Variants in FCRL2 observed in about 807,000 individuals in gnomAD.
FCRL2 encodes Fc receptor-like protein 2.
Under a neutral mutation model 59.8 loss-of-function variants are expected in FCRL2, and 48 were observed. The ratio of observed to expected loss-of-function variants is 0.80; its 90% CI spans 0.64 to 1.02. FCRL2 has a LOEUF of 1.02. Ranked by LOEUF, FCRL2 falls within the 50% of genes least tolerant of loss-of-function variation. The probability of loss-of-function intolerance (pLI) is 0.00; values close to 1 mark genes in which losing one functional copy is unlikely to be tolerated. For missense variants in FCRL2, 658 were observed against 597.3 expected (o/e 1.10, Z -1.06); for synonymous variants, 251 against 229.5 (o/e 1.09, Z -0.85).
chr1:157,746,961 C>A (rs370536127), intron 10 of FCRL2, 62 bp from the exon 11 acceptor site: 34 of 1,544,312 alleles, frequency 2.2e-5, no homozygotes, highest in Admixed American at 8.4e-5. Context: ...CACTCCCAGA[C>A]TTTATGCCCC....
intron 7 of FCRL2, among the ~76,000 whole-genome samples, chr1:157,762,715 A>G (rs565077275): frequency 6.8e-6 from 1 of 147,718 alleles, no homozygotes; most frequent in African/African-American, 2.4e-5. Flanking sequence ...CTAGTCACCT[A>G]TAAAGAAAAA....
chr1:157,775,474 G>C (rs1381940218), intron 2 of FCRL2, among the ~76,000 whole-genome samples: 1 of 152,186 alleles, frequency 6.6e-6, no homozygotes, highest in East Asian at 1.9e-4. Flanking sequence ...CCTATGGGCA[G>C]GAAAACAATT....
intron 10 of FCRL2, among the ~76,000 whole-genome samples, chr1:157,747,159 A>AT (rs1557850426): frequency 6.6e-6 from 1 of 152,000 alleles, no homozygotes; most frequent in African/African-American, 2.4e-5. Flanking sequence ...TGTCTTTATA[A>AT]TTTTTTCCTC....
At position 157,748,886 on chromosome 1, in the gene FCRL2, A is replaced by G; in HGVS notation, c.1382T>C (p.Val461Ala). The G allele has an allele frequency of 5.6e-6, 9 of 1,613,536 alleles. No homozygotes were observed. The highest frequency in any genetic ancestry group is 6.8e-6 in the Non-Finnish European group (8 of 1,179,792). Residue 461 changes from valine (V) to alanine (A), a missense_variant, in exon 9 of 12, where the codon GTG becomes GCG. Val to Ala is a moderately conservative substitution (Grantham distance 64). Coordinates refer to ENST00000361516, the MANE Select transcript of FCRL2 (RefSeq NM_030764.4). ...GTGGAGACACTCACCATTGACATAC[A>G]CTGGCTGCAGCTCCTCCATGTCTGG... The part of the protein sequence containing the change: ...PTPDMEELQP[V>A]YVNVGSVDVD...
At position 157,746,830 on chromosome 1, in the gene FCRL2, A is replaced by G. The variant is rs74119648; in HGVS notation, c.1488+41T>C. 5.9e-3 allele frequency: 9,602 copies of G among 1,613,850 alleles called. 469 individuals are homozygous for G. In the African/African-American group the frequency reaches 0.11, roughly 19 times the overall value. ...GGTGATCAAGAAAATAAATAGGGAGAAGGAAGGAAAGATGAAGAAATTCCA... is the reference window on the plus strand; with the variant it reads ...GGTGATCAAGAAAATAAATAGGGAGGAGGAAGGAAAGATGAAGAAATTCCA... On this transcript the variant is annotated intron_variant, in intron 11 of 11. Coordinates refer to ENST00000361516, the MANE Select transcript of FCRL2 (RefSeq NM_030764.4).
intron 2 of FCRL2, 137 bp downstream of exon 2, chr1:157,775,638 T>A (rs1650349555): frequency 3.4e-6 from 3 of 876,648 alleles, no homozygotes; most frequent in Non-Finnish European, 5.2e-6. Context: ...CTGCGTGACC[T>A]CAGAACATGT....
At chr1:157,769,609 A>G (rs1236548084) in intron 4 of FCRL2, 1 of 304,368 alleles carries the variant, frequency 3.3e-6, no homozygotes, top group Non-Finnish European at 6.3e-6. Context: ...TTGTATTTTT[A>G]GTAGAGACGG....
At chr1:157,759,679 A>G (rs1048126807) in intron 7 of FCRL2, among the ~76,000 whole-genome samples, 1 of 152,242 alleles carries the variant, frequency 6.6e-6, no homozygotes, top group African/African-American at 2.4e-5. Flanking sequence ...TATGCAGCCA[A>G]AAATCATATG....
At chr1:157,749,620 A>G (rs1557852473) in intron 8 of FCRL2, 30 bp downstream of exon 8, 3 of 1,575,838 alleles carry the variant, frequency 1.9e-6, no homozygotes, top group Middle Eastern at 1.7e-4. Flanking sequence ...GACCTCTAGA[A>G]TTAAAATTTT....
At chr1:157,774,174 A>C (rs1650237438) in intron 2 of FCRL2, among the ~76,000 whole-genome samples, 1 of 152,222 alleles carries the variant, frequency 6.6e-6, no homozygotes, top group Admixed American at 6.5e-5. Context: ...GGTGGGGCTG[A>C]AAAGAGGAAA....
chr1:157,771,752 C>T (rs1650040785), intron 2 of FCRL2, among the ~76,000 whole-genome samples: 1 of 152,118 alleles, frequency 6.6e-6, no homozygotes, highest in Non-Finnish European at 1.5e-5. Flanking sequence ...GTAGAGGATT[C>T]TGACCACAAA....
At position 157,770,647 on chromosome 1, in the gene FCRL2, C is replaced by A. The variant is rs777925139; in HGVS notation, c.72G>T (p.Ala24=). 3 of 1,614,084 alleles carry A rather than the reference C, an allele frequency of 1.9e-6. No homozygotes were observed. The highest frequency in any genetic ancestry group is 2.5e-6 in the Non-Finnish European group (3 of 1,180,002). ...TGTCTCCTTCGAAGACAGAAGAGGG[C>A]GCCACAAGGGTCAGCGAATCTGGAA... ...TEQADSLTLV[A]PSSVFEGDSI... is the part of the protein sequence containing the mutation. The change falls in exon 3 of 12, where the codon GCG becomes GCT. Residue 24 remains alanine (A), a synonymous_variant. Coordinates refer to ENST00000361516, the MANE Select transcript of FCRL2 (RefSeq NM_030764.4).
chr1:157,764,261 A>T (rs1055631698), intron 7 of FCRL2, among the ~76,000 whole-genome samples: 3 of 152,246 alleles, frequency 2.0e-5, no homozygotes, highest in East Asian at 3.9e-4. Flanking sequence ...TAAAGGGATC[A>T]ATCCAGCAAG....
At chr1:157,766,013 G>A (rs1649463648) in intron 7 of FCRL2, among the ~76,000 whole-genome samples, 1 of 152,184 alleles carries the variant, frequency 6.6e-6, no homozygotes, top group South Asian at 2.1e-4. Context: ...ACTCTCAGCT[G>A]AAACTGCAAA....
chr1:157,760,745 AAG>A (rs1246254982), intron 7 of FCRL2, among the ~76,000 whole-genome samples: 7 of 148,916 alleles, frequency 4.7e-5, no homozygotes, highest in Middle Eastern at 3.2e-3. Context: ...GAAAGAAAGA[AAG>A]AAAGAAAGAA....
intron 2 of FCRL2, among the ~76,000 whole-genome samples, chr1:157,773,328 T>C (rs1048528856): frequency 1.3e-5 from 2 of 152,198 alleles, no homozygotes; most frequent in African/African-American, 2.4e-5. Flanking sequence ...GACCACTCAG[T>C]GAGCCACAAA....
intron 2 of FCRL2, among the ~76,000 whole-genome samples, chr1:157,772,812 A>C (rs1487360748): frequency 6.6e-6 from 1 of 152,176 alleles, no homozygotes; most frequent in Non-Finnish European, 1.5e-5. Context: ...CACTCCTTGC[A>C]CTGAAAGCAT....
At chr1:157,760,664 A>G (rs2101706895) in intron 7 of FCRL2, among the ~76,000 whole-genome samples, 1 of 138,890 alleles carries the variant, frequency 7.2e-6, no homozygotes, top group Middle Eastern at 3.4e-3. Context: ...AGAAGGAAGG[A>G]AGGAAGGAAG....
chr1:157,770,108 G>T lies in FCRL2; in HGVS notation c.353C>A (p.Pro118His). Reference sequence around the variant, plus strand: ...CAGGCTCACTGGACCCCCTTCGATGGGCTGGAAGGAGCTGGCAGTCAGCAC... The same window carrying T: ...CAGGCTCACTGGACCCCCTTCGATGTGCTGGAAGGAGCTGGCAGTCAGCAC... ...RPVLTASSFQ[P>H]IEGGPVSLKC... The change falls in exon 4 of 12, where the codon CCC becomes CAC. Residue 118 changes from proline to histidine, a missense_variant. By Grantham distance (77) the Pro-to-His change is moderately conservative. Transcript: ENST00000361516. 1 of 1,614,138 alleles carries T rather than the reference G, an allele frequency of 6.2e-7. No individual in the cohort carries two copies. Among genetic ancestry groups the T allele is most frequent in the South Asian group, 1.1e-5 (1 of 91,078 alleles).
Sources: allele counts gnomAD v4.1 joint callset (sites outside exome capture counted in the v4.1 genomes callset), GRCh38; gene constraint gnomAD v4.1.1; transcripts MANE v1.5; gene names NCBI Gene and HGNC (gene_info 2026-07-23, HGNC 2026-07-21).